CTNNA1: variants seen among roughly 807,000 people sequenced by gnomAD.
The protein encoded by CTNNA1 is catenin alpha 1, also known as catenin alpha-1.
In CTNNA1, 37 loss-of-function variants were observed where a neutral mutation model predicts 98.4. That is an observed-to-expected ratio of 0.38 (90% CI 0.29 to 0.49). The LOEUF (loss-of-function observed/expected upper bound fraction) is 0.49. CTNNA1 is among the 20% of genes least tolerant of loss of function. The probability of loss-of-function intolerance (pLI) is 0.95; values close to 1 mark genes in which losing one functional copy is unlikely to be tolerated. For synonymous variants in CTNNA1, 404 were observed against 413.2 expected, an observed-to-expected ratio of 0.98 and a Z score of 0.27; for missense variants, 761 against 1,147.2, an observed-to-expected ratio of 0.66 and a Z score of 4.86.
chr5:138,795,745 TTC>T (rs879716103), intron 3 of CTNNA1, among the ~76,000 whole-genome samples: 13 of 152,150 alleles, frequency 8.5e-5, no homozygotes, highest in Admixed American at 2.6e-4. Context: ...GTTGGTTACT[TTC>T]TCTCTTTTTT....
intron 9 of CTNNA1, among the ~76,000 whole-genome samples, chr5:138,901,977 A>G (rs148724452): frequency 1.3e-4 from 20 of 152,302 alleles, no homozygotes; most frequent in Admixed American, 3.9e-4. Flanking sequence ...TCTGGAGAAG[A>G]CTGTTAGTGA....
intron 7 of CTNNA1, among the ~76,000 whole-genome samples, chr5:138,851,593 TA>T (rs561313747): frequency 7.4e-6 from 1 of 135,902 alleles, no homozygotes; most frequent in Non-Finnish European, 1.6e-5. Context: ...CCCTGTCTCT[TA>T]AAAAAAATGC....
At chr5:138,876,567 A>G (rs1328466481) in intron 7 of CTNNA1, among the ~76,000 whole-genome samples, 1 of 152,142 alleles carries the variant, frequency 6.6e-6, no homozygotes, top group East Asian at 1.9e-4. Context: ...TATTGATTTG[A>G]CCCAACATAC....
chr5:138,923,907 G>A (rs1211847661), intron 11 of CTNNA1, among the ~76,000 whole-genome samples: 1 of 152,208 alleles, frequency 6.6e-6, no homozygotes, highest in Non-Finnish European at 1.5e-5. Context: ...TTCACCTCTA[G>A]GGACCCTTCA....
intron 11 of CTNNA1, among the ~76,000 whole-genome samples, chr5:138,923,701 C>G (rs1366851160): frequency 6.6e-6 from 1 of 152,192 alleles, no homozygotes; most frequent in Non-Finnish European, 1.5e-5. Flanking sequence ...TTCATTTATC[C>G]ACCCTTCTCT....
chr5:138,878,852 C>T (rs557260505), intron 7 of CTNNA1, among the ~76,000 whole-genome samples: 2 of 152,168 alleles, frequency 1.3e-5, no homozygotes, highest in South Asian at 2.1e-4. Flanking sequence ...AAAGTGTTGC[C>T]CAGAGGTGTT....
chr5:138,791,556 G>T (rs1323063195), intron 3 of CTNNA1, among the ~76,000 whole-genome samples: 1 of 139,946 alleles, frequency 7.1e-6, no homozygotes, highest in African/African-American at 2.8e-5. Flanking sequence ...GGCAGAGGTT[G>T]CAGTGAGCTG....
At position 138,874,778 on chromosome 5, in the gene CTNNA1, T is replaced by C. The variant is rs534245235; in HGVS notation, c.1063-11434T>C. The C allele has an allele frequency of 1.0e-4, 94 of 912,170 alleles. No homozygotes were observed. The African/African-American group carries it at 1.4e-3, about 13-fold the overall frequency. 56.5% of individuals were successfully genotyped at this position (912,170 alleles called of 1,614,324 possible). A position where few individuals can be genotyped will look rare whatever the true frequency, so the allele number is the denominator to read the frequency against. On this transcript the variant is annotated intron_variant, in intron 7 of 17. Coordinates refer to ENST00000302763, the MANE Select transcript of CTNNA1 (RefSeq NM_001903.5). This position sits in a 1 kb window ranked among gnomAD's most constrained non-coding sequence, Gnocchi z 4.1. ...AAACATGTCTCTGTCATCATCGATA[T>C]ATGCTTTTACCTAAACCTCAAAATC... is the stretch of plus-strand genomic sequence containing the variant.
chr5:138,912,043 T>A (rs1186866794), intron 10 of CTNNA1, among the ~76,000 whole-genome samples: 1 of 152,194 alleles, frequency 6.6e-6, no homozygotes, highest in Non-Finnish European at 1.5e-5. Context: ...ACATGCAAGA[T>A]GCATGTCATG....
At chr5:138,931,220 C>T in intron 16 of CTNNA1, 1 of 415,754 alleles carries the variant, frequency 2.4e-6, no homozygotes, top group Non-Finnish European at 4.5e-6. Flanking sequence ...AGCCAGAAGC[C>T]ATGTGGCCAG....
intron 7 of CTNNA1, among the ~76,000 whole-genome samples, chr5:138,877,207 A>G (rs899693947): frequency 6.6e-6 from 1 of 151,672 alleles, no homozygotes; most frequent in Non-Finnish European, 1.5e-5. Flanking sequence ...GGGGAATGCT[A>G]CTCCCCCTCT....
At chr5:138,847,274 A>G (rs1762803506) in intron 7 of CTNNA1, among the ~76,000 whole-genome samples, 2 of 130,628 alleles carry the variant, frequency 1.5e-5, no homozygotes, top group African/African-American at 5.5e-5. Context: ...GGAGACTGAC[A>G]ACATTCCTTT....
chr5:138,892,749 G>A (rs1307458895), intron 9 of CTNNA1, among the ~76,000 whole-genome samples: 1 of 151,948 alleles, frequency 6.6e-6, no homozygotes, highest in Non-Finnish European at 1.5e-5. Context: ...GAGTGCGGTG[G>A]ATCATGCCTG....
Position 138,873,154 on chromosome 5 carries a change from G to A in CTNNA1, c.1063-13058G>A. On this transcript the variant is annotated intron_variant, in intron 7 of 17. Coordinates refer to ENST00000302763, the MANE Select transcript of CTNNA1 (RefSeq NM_001903.5). This position sits in a 1 kb window ranked among gnomAD's most constrained non-coding sequence, Gnocchi z 6.1. ...TGTTTGACATATGGAGTCGTGTTTG[G>A]GATCGGAGCTGCCTGTGGTTCTGAA... 3 of 1,613,966 alleles carry A rather than the reference G, an allele frequency of 1.9e-6. No individual in the cohort carries two copies. The highest frequency in any genetic ancestry group is 2.5e-6 in the Non-Finnish European group (3 of 1,179,886).
chr5:138,782,574 A>C (rs1430096156), intron 2 of CTNNA1, among the ~76,000 whole-genome samples: 2 of 152,212 alleles, frequency 1.3e-5, no homozygotes, highest in Admixed American at 1.3e-4. Context: ...TTGTTTGGCA[A>C]ATTTACACTA....
intron 1 of CTNNA1, among the ~76,000 whole-genome samples, chr5:138,769,776 G>A (rs904619517): frequency 2.6e-4 from 40 of 151,942 alleles, no homozygotes; most frequent in East Asian, 1.9e-3. Context: ...CAGGTGATCC[G>A]CCCGCCTCGG....
intron 1 of CTNNA1, among the ~76,000 whole-genome samples, chr5:138,759,372 C>G (rs1752063238): frequency 6.6e-6 from 1 of 152,198 alleles, no homozygotes; most frequent in Non-Finnish European, 1.5e-5. Flanking sequence ...GCACCTTTCC[C>G]TGGGCGCATG....
chr5:138,826,952 T>C (rs1013195892), intron 6 of CTNNA1, among the ~76,000 whole-genome samples: 3 of 152,176 alleles, frequency 2.0e-5, no homozygotes, highest in Admixed American at 6.5e-5. Context: ...GCCCAACTTA[T>C]TTTATTTTTT....
chr5:138,925,828 T>C (rs1051326833), intron 13 of CTNNA1, among the ~76,000 whole-genome samples: 1 of 152,118 alleles, frequency 6.6e-6, no homozygotes, highest in African/African-American at 2.4e-5. Context: ...AACCCCAGGG[T>C]GTTGGGGGGA....
Sources: allele counts gnomAD v4.1 joint callset (sites outside exome capture counted in the v4.1 genomes callset), GRCh38; gene constraint gnomAD v4.1.1; non-coding constraint Gnocchi (gnomAD v3.1); transcripts MANE v1.5; gene names NCBI Gene and HGNC (gene_info 2026-07-23, HGNC 2026-07-21).